LRP4: variants seen among roughly 807,000 people sequenced by gnomAD.
LRP4 encodes the protein low-density lipoprotein receptor-related protein 4.
In LRP4, 95 loss-of-function variants were observed where a neutral mutation model predicts 220.3. The observed-to-expected ratio is 0.43, with a 90% CI of 0.37 to 0.51. The LOEUF is 0.51. LRP4 is among the 20% of genes least tolerant of loss of function. The pLI is 0.00. For missense variants in LRP4, 1,925 were observed against 2,567.0 expected (o/e 0.75, Z 5.40); for synonymous variants, 903 against 954.6 (o/e 0.95, Z 1.00).
rs1941641625 is a variant in LRP4, at chr11:46,900,328, T to C, written c.250A>G (p.Ile84Val). Residue 84 changes from isoleucine (I) to valine (V), a missense_variant, in exon 3 of 38, where the codon ATC becomes GTC. Ile to Val is a conservative substitution (Grantham distance 29). This residue lies in a region of LRP4 where 412 missense variants were observed against 505.4 expected (regional missense o/e 0.82). Coordinates refer to ENST00000378623, the MANE Select transcript of LRP4 (RefSeq NM_002334.4). ...CCGTCACACACCCAGGAGCGGCGGATGCACTTGCCATTGTCACAGTGAAAG... is the reference window on the plus strand; with the variant it reads ...CCGTCACACACCCAGGAGCGGCGGACGCACTTGCCATTGTCACAGTGAAAG... ...LDFHCDNGKCIRRSWVCDGDN... is the reference protein window; with the variant it reads ...LDFHCDNGKCVRRSWVCDGDN... 1.9e-6 allele frequency: 3 copies of C among 1,614,128 alleles called. No individual in the cohort carries two copies. The highest frequency in any genetic ancestry group is 2.5e-6 in the Non-Finnish European group (3 of 1,180,006).
At chr11:46,867,447 T>C (rs1259098389) in intron 34 of LRP4, among the ~76,000 whole-genome samples, 2 of 152,150 alleles carry the variant, frequency 1.3e-5, no homozygotes, top group Non-Finnish European at 2.9e-5. Context: ...GTTCTTTTTT[T>C]TGTTGTTTTA....
At chr11:46,882,996 A>G (rs1222249852) in intron 19 of LRP4, among the ~76,000 whole-genome samples, 1 of 152,216 alleles carries the variant, frequency 6.6e-6, no homozygotes. Flanking sequence ...ACCACCAACA[A>G]CAAATGTTTA....
Position 46,896,211 on chromosome 11 carries a change from G to A in LRP4, c.1047C>T (p.Cys349=), listed in dbSNP as rs747200368. The change falls in exon 9 of 38, where the codon TGC becomes TGT. Residue 349 remains cysteine (C), a splice_region_variant and synonymous_variant. Coordinates refer to ENST00000378623, the MANE Select transcript of LRP4 (RefSeq NM_002334.4). The part of the protein sequence containing the change: ...DNSDESPQQN[C]RPRTGEENCN... ...GGTCCGCCCACTGGGGACACTCACG[G>A]CAATTCTGCTGTGGGCTTTCGTCGC... 6.2e-7 allele frequency: 1 copy of A among 1,613,814 alleles called. No homozygotes were observed. The highest frequency in any genetic ancestry group is 8.5e-7 in the Non-Finnish European group (1 of 1,180,018).
At position 46,893,028 on chromosome 11, in the gene LRP4, A is replaced by G. The variant is rs1252526930; in HGVS notation, c.1642T>C (p.Leu548=). Residue 548 remains leucine, a synonymous_variant, in exon 13 of 38, where the codon TTG becomes CTG. Coordinates refer to ENST00000378623, the MANE Select transcript of LRP4 (RefSeq NM_002334.4). ...GGCTTCTCCAGGTTCTGCCACAGCA[A>G]CACTTTCCGGTGGGCCCCATCCAGA... The part of the protein sequence containing the change: ...ANLDGAHRKV[L]LWQNLEKPRA... The G allele has an allele frequency of 1.2e-6, 2 of 1,613,958 alleles. No homozygotes were observed. The highest frequency in any genetic ancestry group is 2.7e-5 in the African/African-American group (2 of 74,914).
chr11:46,885,544 C>T (rs981468560), intron 18 of LRP4, among the ~76,000 whole-genome samples: 4 of 152,076 alleles, frequency 2.6e-5, no homozygotes, highest in East Asian at 3.9e-4. Context: ...GAGGCTAAGG[C>T]GGGTGGATCA....
intron 1 of LRP4, among the ~76,000 whole-genome samples, chr11:46,904,281 TTC>T (rs1217324332): frequency 6.6e-6 from 1 of 152,184 alleles, no homozygotes; most frequent in Admixed American, 6.5e-5. Flanking sequence ...GGTCCAGCTT[TTC>T]TCTCTCAGCT....
At chr11:46,871,724 T>C in intron 30 of LRP4, 91 bp from the exon 31 acceptor site, 2 of 840,346 alleles carry the variant, frequency 2.4e-6, no homozygotes, top group South Asian at 1.4e-5. Flanking sequence ...CCTCCTGAGC[T>C]GACTGGCAGA....
At chr11:46,872,881 T>G (rs193190077) in intron 30 of LRP4, among the ~76,000 whole-genome samples, 53 of 152,290 alleles carry the variant, frequency 3.5e-4, no homozygotes, top group African/African-American at 1.1e-3. Context: ...GGCACTCAAA[T>G]TAGGAACATG....
In LRP4 at chr11:46,892,943, G is replaced by C. The variant is rs547934078; in HGVS notation, c.1697+30C>G. The C allele has an allele frequency of 1.9e-6, 3 of 1,610,692 alleles. No homozygotes were observed. The South Asian group carries it at 3.3e-5, about 18-fold the overall frequency. On this transcript the variant is annotated intron_variant, in intron 13 of 37. Transcript: ENST00000378623. ...TGGGAGCTGTCCCGAGAGGTTGCAAGAAAGTTCGGGAGCCTGAGATACAAC... is the reference window on the plus strand; with the variant it reads ...TGGGAGCTGTCCCGAGAGGTTGCAACAAAGTTCGGGAGCCTGAGATACAAC...
rs371455422 is a variant in LRP4 at position 46,868,590 on chromosome 11, T to C, written c.4951+10A>G. 1.2e-4 allele frequency: 197 copies of C among 1,597,832 alleles called. 2 individuals are homozygous for C. The African/African-American group carries it at 2.5e-3, about 20-fold the overall frequency. On this transcript the variant is annotated intron_variant, in intron 33 of 37. Coordinates refer to ENST00000378623, the MANE Select transcript of LRP4 (RefSeq NM_002334.4). ...CTGCCGAGTGGCTCCAGCCATACAG[T>C]CCAACTCACCAAGGGAGCAGGGCCG...
Position 46,898,617 on chromosome 11 carries a change from G to A in LRP4, c.737C>T (p.Ala246Val), listed in dbSNP as rs1941596054. The change falls in exon 7 of 38, where the codon GCA becomes GTA. Residue 246 changes from alanine (A) to valine (V), a missense_variant. Ala to Val is a moderately conservative substitution (Grantham distance 64, BLOSUM62 0). This residue lies in a region of LRP4 where 412 missense variants were observed against 505.4 expected (regional missense o/e 0.82). Coordinates refer to ENST00000378623, the MANE Select transcript of LRP4 (RefSeq NM_002334.4). ...CGCGTCACCATCGCAGCGCCAGCCT[G>A]CATTGATGCACAGGCCACTGTCACA... The part of the protein sequence containing the change: ...FMCDSGLCIN[A>V]GWRCDGDADC... 2.5e-6 allele frequency: 4 copies of A among 1,614,048 alleles called. No individual in the cohort carries two copies. The highest frequency in any genetic ancestry group is 2.2e-5 in the South Asian group (2 of 91,088).
In LRP4 at chr11:46,881,672, C is replaced by T. The variant is rs181438771; in HGVS notation, c.2814+30G>A. 15,701 of 1,600,102 alleles carry T rather than the reference C, an allele frequency of 9.8e-3. 105 individuals are homozygous for T. Among genetic ancestry groups the T allele is most frequent in the Middle Eastern group, 0.013 (77 of 5,860 alleles). On this transcript the variant is annotated intron_variant, in intron 20 of 37. Coordinates refer to ENST00000378623, the MANE Select transcript of LRP4 (RefSeq NM_002334.4). Reference sequence around the variant, plus strand: ...GCTGTGGGAAGATGTTTTAGTGCCACCCTTACCTTCCTCTTACTGCCACCC... The same window carrying T: ...GCTGTGGGAAGATGTTTTAGTGCCATCCTTACCTTCCTCTTACTGCCACCC...
In LRP4 at chr11:46,886,778, C is replaced by T. The variant is rs367558754; in HGVS notation, c.2216-245G>A. On this transcript the variant is annotated intron_variant, in intron 16 of 37. Coordinates refer to ENST00000378623, the MANE Select transcript of LRP4 (RefSeq NM_002334.4). ...AAGTGCATGCTGTTTAAGCATCTGT[C>T]GGCTTCATCTCAACTTTTCTCTCTT... 2.4e-4 allele frequency among the ~76,000 whole-genome samples: 36 copies of T among 152,298 alleles called. No individual in the cohort carries two copies. In the South Asian group the frequency reaches 4.8e-3, roughly 20 times the overall value.
At chr11:46,901,477 T>C (rs888670804) in intron 2 of LRP4, among the ~76,000 whole-genome samples, 1 of 152,176 alleles carries the variant, frequency 6.6e-6, no homozygotes, top group Non-Finnish European at 1.5e-5. Context: ...CCTATGAAAA[T>C]GCTACATGAA....
Position 46,859,326 on chromosome 11 carries a change from G to A in LRP4, c.5386-11C>T. On this transcript the variant is annotated splice_polypyrimidine_tract_variant and intron_variant, in intron 37 of 37. Coordinates refer to ENST00000378623, the MANE Select transcript of LRP4 (RefSeq NM_002334.4). ...ATGGTCAGGCCCTCCCTAGGGTGGA[G>A]AGTGGGCAGATATGGTCAGTCAGTT... The A allele has an allele frequency of 6.2e-7, 1 of 1,600,552 alleles. No individual in the cohort carries two copies. The highest frequency in any genetic ancestry group is 8.6e-7 in the Non-Finnish European group (1 of 1,167,756).
Position 46,873,195 on chromosome 11 carries a change from G to A in LRP4, c.4488C>T (p.Ile1496=), listed in dbSNP as rs1053209984. 21 of 1,614,148 alleles carry A rather than the reference G, an allele frequency of 1.3e-5. No homozygotes were observed. Among genetic ancestry groups the A allele is most frequent in the East Asian group, 2.2e-5 (1 of 44,872 alleles). ...FWTDWGHIAK[I]ERANLDGSER... ...CAGAACCATCCAAGTTTGCCCGTTC[G>A]ATCTTGGCAATGTGGCCCCAGTCTG... The change falls in exon 30 of 38, where the codon ATC becomes ATT. Residue 1496 remains isoleucine, a synonymous_variant. Transcript: ENST00000378623. The surrounding 1 kb of genome is among the most constrained non-coding windows in gnomAD (Gnocchi z 4.2).
At chr11:46,896,733 C>CCG in intron 8 of LRP4, 136 bp downstream of exon 8, 1 of 1,289,552 alleles carries the variant, frequency 7.8e-7, no homozygotes, top group East Asian at 2.4e-5. Flanking sequence ...GGCCATAAGG[C>CCG]CGCAGGTCAA....
rs1243258345 is a variant in LRP4, at chr11:46,903,061, T to C, written c.53-132A>G. 5 of 1,077,660 alleles carry C rather than the reference T, an allele frequency of 4.6e-6. No homozygotes were observed. In the African/African-American group the frequency reaches 7.7e-5, roughly 17 times the overall value. 66.8% of individuals were successfully genotyped at this position (1,077,660 alleles called of 1,614,324 possible). On this transcript the variant is annotated intron_variant, in intron 1 of 37. Coordinates refer to ENST00000378623, the MANE Select transcript of LRP4 (RefSeq NM_002334.4). ...AGTCACAGTGACACTTCAAGGGAGA[T>C]GCAGGCAGTAAAACCATGCCTCCTC...
chr11:46,901,975 T>C (rs1207604215), intron 2 of LRP4, among the ~76,000 whole-genome samples: 2 of 151,922 alleles, frequency 1.3e-5, no homozygotes, highest in East Asian at 3.9e-4. Flanking sequence ...CCTCGTGATC[T>C]GCCCACCTCA....
Sources: allele counts gnomAD v4.1 joint callset (sites outside exome capture counted in the v4.1 genomes callset), GRCh38; gene constraint gnomAD v4.1.1; regional missense constraint gnomAD v4.1.1; non-coding constraint Gnocchi (gnomAD v3.1); transcripts MANE v1.5; gene names NCBI Gene and HGNC (gene_info 2026-07-23, HGNC 2026-07-21).